TYW1: variants seen among roughly 807,000 people sequenced by gnomAD.
The protein encoded by TYW1 is tRNA-yW synthesizing protein 1 homolog.
In TYW1, 46 loss-of-function variants were observed where a neutral mutation model predicts 96.2. The ratio of observed to expected loss-of-function variants is 0.48; its 90% CI spans 0.38 to 0.61. The LOEUF is 0.61. Ranked by LOEUF, TYW1 falls within the 20% of genes least tolerant of loss-of-function variation. TYW1 has a pLI of 0.00. For missense variants in TYW1, 684 were observed against 909.6 expected, an observed-to-expected ratio of 0.75 and a Z score of 3.19; for synonymous variants, 274 against 323.0, an observed-to-expected ratio of 0.85 and a Z score of 1.63.
At chr7:67,015,620 T>G (rs1468173123) in intron 5 of TYW1, among the ~76,000 whole-genome samples, 1 of 152,174 alleles carries the variant, frequency 6.6e-6, no homozygotes, top group Non-Finnish European at 1.5e-5. Context: ...CCCAAATTTC[T>G]GGGATTACAG....
At chr7:67,224,070 A>T (rs1008880501) in intron 15 of TYW1, among the ~76,000 whole-genome samples, 3 of 152,138 alleles carry the variant, frequency 2.0e-5, no homozygotes, top group Middle Eastern at 3.2e-3. Context: ...GCACAACACA[A>T]GGACTTTCCT....
At chr7:67,136,261 C>T (rs555765496) in intron 13 of TYW1, among the ~76,000 whole-genome samples, 1 of 152,268 alleles carries the variant, frequency 6.6e-6, no homozygotes, top group African/African-American at 2.4e-5. Flanking sequence ...GAAGTTAGTC[C>T]TGCTACCTAA....
At chr7:67,195,699 C>T (rs940790213) in intron 15 of TYW1, among the ~76,000 whole-genome samples, 4 of 152,134 alleles carry the variant, frequency 2.6e-5, no homozygotes, top group Non-Finnish European at 5.9e-5. Flanking sequence ...TTCTAGCTGT[C>T]AGAAGCAATA....
chr7:67,220,742 CTTTT>C (rs57839783), intron 15 of TYW1, among the ~76,000 whole-genome samples: 1 of 144,720 alleles, frequency 6.9e-6, no homozygotes, highest in Non-Finnish European at 1.5e-5. Flanking sequence ...CTTTCTTTTT[CTTTT>C]TTTTTTTTGA....
intron 6 of TYW1, among the ~76,000 whole-genome samples, chr7:67,019,575 A>G (rs56259510): frequency 0.21 from 32,049 of 150,404 alleles, 765 homozygotes; most frequent in African/African-American, 0.29. Context: ...CAAACCTCCC[A>G]TCTTGGCCTC....
At chr7:67,094,897 G>A (rs1249040786) in intron 11 of TYW1, among the ~76,000 whole-genome samples, 1 of 152,096 alleles carries the variant, frequency 6.6e-6, no homozygotes, top group African/African-American at 2.4e-5. Context: ...GTGGAATGCA[G>A]GTTGTACAGG....
chr7:67,131,023 T>A (rs931420240), intron 13 of TYW1, among the ~76,000 whole-genome samples: 3 of 152,018 alleles, frequency 2.0e-5, no homozygotes, highest in African/African-American at 7.3e-5. Context: ...GATTGCCACA[T>A]AAGTATTTGG....
intron 3 of TYW1, among the ~76,000 whole-genome samples, chr7:67,009,268 G>T (rs372634492): frequency 3.3e-5 from 5 of 152,146 alleles, no homozygotes; most frequent in African/African-American, 1.2e-4. Flanking sequence ...AAAGTGCTGG[G>T]ATTATAGGCA....
intron 13 of TYW1, among the ~76,000 whole-genome samples, chr7:67,126,772 A>G (rs1222992873): frequency 1.3e-5 from 2 of 152,042 alleles, no homozygotes; most frequent in African/African-American, 4.8e-5. Context: ...GCTAAAGATC[A>G]GTTGACTATA....
At chr7:67,220,859 C>T (rs1169979067) in intron 15 of TYW1, among the ~76,000 whole-genome samples, 1 of 151,556 alleles carries the variant, frequency 6.6e-6, no homozygotes, top group Non-Finnish European at 1.5e-5. Flanking sequence ...TGCCTCAGCC[C>T]CCCGAGTAGC....
intron 15 of TYW1, among the ~76,000 whole-genome samples, chr7:67,210,783 C>T (rs1183461917): frequency 6.6e-6 from 1 of 150,726 alleles, no homozygotes; most frequent in Non-Finnish European, 1.5e-5. Flanking sequence ...TCCATCCATC[C>T]GTCCATCATC....
intron 13 of TYW1, among the ~76,000 whole-genome samples, chr7:67,182,353 G>A (rs1340837917): frequency 1.3e-5 from 2 of 152,088 alleles, no homozygotes; most frequent in African/African-American, 2.4e-5. Flanking sequence ...ACTTAAGGCC[G>A]AGAGTTCGAG....
At chr7:67,088,072 G>A (rs144429020) in intron 11 of TYW1, among the ~76,000 whole-genome samples, 26 of 152,068 alleles carry the variant, frequency 1.7e-4, no homozygotes, top group African/African-American at 5.8e-4. Context: ...CCTATATTGC[G>A]CAGGCTGGTC....
At chr7:66,997,531 G>A (rs1184938739) in intron 1 of TYW1, among the ~76,000 whole-genome samples, 7 of 152,200 alleles carry the variant, frequency 4.6e-5, no homozygotes, top group Admixed American at 2.6e-4. Context: ...TCGAAGTGAA[G>A]ATACAATTTT....
chr7:67,160,049 G>T (rs112321522), intron 13 of TYW1, among the ~76,000 whole-genome samples: 1 of 152,092 alleles, frequency 6.6e-6, no homozygotes, highest in Non-Finnish European at 1.5e-5. Flanking sequence ...TGATCAGCCC[G>T]CCTCAGCCTC....
At chr7:67,110,341 T>A (rs1462017800) in intron 12 of TYW1, among the ~76,000 whole-genome samples, 2 of 152,142 alleles carry the variant, frequency 1.3e-5, no homozygotes, top group African/African-American at 4.8e-5. Flanking sequence ...CTTTTGGTTC[T>A]TACTGAGTAA....
rs577601861 is a variant in TYW1 at position 67,033,524 on chromosome 7, AGTTTTCTT to A, written c.984+8505_984+8512del. Among the ~76,000 whole-genome samples, 386 of 152,258 alleles carry A rather than the reference AGTTTTCTT, an allele frequency of 2.5e-3. 4 individuals are homozygous for A. The highest frequency in any genetic ancestry group is 0.023 in the Admixed American group (355 of 15,284). ...AACTTCTTTGAGAGGCTGGATTGGC[AGTTTTCTT>A]GTGGGGCTAGAGGTAAGAAGCTGAC... On this transcript the variant is annotated intron_variant, in intron 7 of 15. Transcript: ENST00000359626.
chr7:67,187,761 G>A (rs929265405), intron 14 of TYW1, among the ~76,000 whole-genome samples: 7 of 152,200 alleles, frequency 4.6e-5, no homozygotes, highest in African/African-American at 1.7e-4. Context: ...AAGTATGGAA[G>A]GATATCTGTC....
At chr7:67,112,730 A>G (rs1478480677) in intron 12 of TYW1, among the ~76,000 whole-genome samples, 1 of 152,102 alleles carries the variant, frequency 6.6e-6, no homozygotes, top group African/African-American at 2.4e-5. Flanking sequence ...CCTTTTTGTT[A>G]TTAGAGCTTT....
Sources: gnomAD v4.1 joint callset for allele counts (sites outside exome capture counted in the v4.1 genomes callset) on GRCh38, gnomAD v4.1.1 for gene constraint, MANE v1.5 for transcripts, NCBI Gene and HGNC (gene_info 2026-07-23, HGNC 2026-07-21) for gene names.